Variants in SSBP2 observed in about 807,000 individuals in gnomAD.
The protein encoded by SSBP2 is single-stranded DNA-binding protein 2.
Under a neutral mutation model 61.8 loss-of-function variants are expected in SSBP2, and 17 were observed. The observed-to-expected ratio is 0.28, with a 90% CI of 0.19 to 0.41. SSBP2 has a LOEUF of 0.41. SSBP2 is among the 10% of genes least tolerant of loss of function. The probability of loss-of-function intolerance (pLI) is 1.00; values close to 1 mark genes in which losing one functional copy is unlikely to be tolerated. For missense variants in SSBP2, 310 were observed against 458.7 expected (o/e 0.68, Z 2.96); for synonymous variants, 139 against 141.3 (o/e 0.98, Z 0.12).
chr5:81,524,455 C>A (rs146456498), intron 4 of SSBP2, among the ~76,000 whole-genome samples: 1 of 152,102 alleles, frequency 6.6e-6, no homozygotes, highest in East Asian at 1.9e-4. Flanking sequence ...TTTTAAGCTG[C>A]TAAATTTGTG....
chr5:81,524,596 T>C (rs1489549902), intron 4 of SSBP2, among the ~76,000 whole-genome samples: 1 of 152,082 alleles, frequency 6.6e-6, no homozygotes, highest in Non-Finnish European at 1.5e-5. Flanking sequence ...AAAACGTTAC[T>C]GTACTTGGCC....
chr5:81,445,771 A>G (rs1763363343), intron 12 of SSBP2, among the ~76,000 whole-genome samples: 2 of 152,156 alleles, frequency 1.3e-5, no homozygotes, highest in Non-Finnish European at 2.9e-5. Flanking sequence ...TAACAGTAAA[A>G]CATCATAATC....
chr5:81,481,025 G>A (rs937375386), intron 6 of SSBP2, among the ~76,000 whole-genome samples: 9 of 152,134 alleles, frequency 5.9e-5, no homozygotes, highest in African/African-American at 2.2e-4. Context: ...TGAGAGTGTG[G>A]CAATTCAGTC....
intron 4 of SSBP2, among the ~76,000 whole-genome samples, chr5:81,608,614 C>G (rs1482965270): frequency 6.6e-6 from 1 of 152,094 alleles, no homozygotes; most frequent in African/African-American, 2.4e-5. Context: ...CTCCAGGTAC[C>G]AGATTTCTTA....
chr5:81,504,608 C>G lies in SSBP2; in HGVS notation c.372+9020G>C, dbSNP rs1351216914. On this transcript the variant is annotated intron_variant, in intron 5 of 16. Coordinates refer to ENST00000320672, the MANE Select transcript of SSBP2 (RefSeq NM_012446.5). ...ACTCAAATACATCTTTTTGATGAGC[C>G]CTTTTCTGGCCACCCTATCCAAAAC... Among the ~76,000 whole-genome samples, 11 of 152,238 alleles carry G rather than the reference C, an allele frequency of 7.2e-5. No individual in the cohort carries two copies. In the South Asian group the frequency reaches 2.3e-3, roughly 32 times the overall value.
chr5:81,638,447 C>T (rs1183464139), intron 2 of SSBP2, among the ~76,000 whole-genome samples: 2 of 151,748 alleles, frequency 1.3e-5, no homozygotes, highest in Non-Finnish European at 2.9e-5. Context: ...CGCTTGAACC[C>T]AGGAGGCAGA....
chr5:81,709,090 A>T (rs538362295), intron 1 of SSBP2, among the ~76,000 whole-genome samples: 1 of 152,152 alleles, frequency 6.6e-6, no homozygotes, highest in Non-Finnish European at 1.5e-5. Context: ...AGTCTTTATC[A>T]TCCTTTGTTT....
At chr5:81,468,555 T>A (rs1765043027) in intron 8 of SSBP2, among the ~76,000 whole-genome samples, 1 of 152,010 alleles carries the variant, frequency 6.6e-6, no homozygotes, top group Admixed American at 6.6e-5. Flanking sequence ...ATAATTTTCA[T>A]CTTTATTCCC....
At chr5:81,691,486 C>T (rs1225237809) in intron 1 of SSBP2, among the ~76,000 whole-genome samples, 3 of 151,666 alleles carry the variant, frequency 2.0e-5, no homozygotes, top group Non-Finnish European at 2.9e-5. Flanking sequence ...TAGATACACA[C>T]AAACTACCAA....
At position 81,417,393 on chromosome 5, in the gene SSBP2, A is replaced by T. The variant is rs763605655; in HGVS notation, c.*3111T>A. 61 of 152,358 alleles carry T rather than the reference A, an allele frequency of 4.0e-4. No homozygotes were observed. Among genetic ancestry groups the T allele is most frequent in the Non-Finnish European group, 6.8e-4 (46 of 68,040 alleles). The allele number at this position is 152,358 out of a possible 1,614,324, so 9.4% of individuals were successfully genotyped here. On this transcript the variant is annotated 3_prime_UTR_variant, in exon 17 of 17. Coordinates refer to ENST00000320672, the MANE Select transcript of SSBP2 (RefSeq NM_012446.5). ...GAAAGAATTTGACATGTATTTTCAAATGCAGTGAGTTAGGCAGAATGCAAA... is the reference window on the plus strand; with the variant it reads ...GAAAGAATTTGACATGTATTTTCAATTGCAGTGAGTTAGGCAGAATGCAAA...
intron 14 of SSBP2, among the ~76,000 whole-genome samples, chr5:81,439,404 A>T (rs1177534121): frequency 1.3e-5 from 2 of 152,158 alleles, no homozygotes; most frequent in Non-Finnish European, 2.9e-5. Flanking sequence ...CCATTTTGCA[A>T]CACTTGTCTG....
intron 1 of SSBP2, among the ~76,000 whole-genome samples, chr5:81,725,758 G>T (rs1200804524): frequency 6.6e-6 from 1 of 152,270 alleles, no homozygotes; most frequent in Middle Eastern, 3.4e-3. Flanking sequence ...AAAAGTCTCA[G>T]ATTTGCTTCA....
At chr5:81,649,198 C>T (rs773960595) in intron 2 of SSBP2, among the ~76,000 whole-genome samples, 8 of 152,008 alleles carry the variant, frequency 5.3e-5, no homozygotes, top group Non-Finnish European at 1.0e-4. Context: ...ATCAGTAAAA[C>T]GGAAAGAATA....
chr5:81,610,836 A>T (rs1020863443), intron 4 of SSBP2, among the ~76,000 whole-genome samples: 2 of 152,118 alleles, frequency 1.3e-5, no homozygotes, highest in African/African-American at 4.8e-5. Context: ...TCTACTACAA[A>T]TACAAAAATT....
chr5:81,458,707 T>C (rs990003867), intron 10 of SSBP2, among the ~76,000 whole-genome samples: 5 of 152,174 alleles, frequency 3.3e-5, no homozygotes. Flanking sequence ...TCTAAGAAAC[T>C]TGGAATTCAA....
At chr5:81,502,162 C>T (rs1767843827) in intron 5 of SSBP2, among the ~76,000 whole-genome samples, 2 of 152,082 alleles carry the variant, frequency 1.3e-5, no homozygotes, top group Non-Finnish European at 2.9e-5. Flanking sequence ...AGGCTTTCAC[C>T]CCCAGGACCA....
chr5:81,420,528 G>C lies in SSBP2; in HGVS notation c.1062C>G (p.Ser354=). The C allele has an allele frequency of 6.2e-7, 1 of 1,613,448 alleles. No homozygotes were observed. Among genetic ancestry groups the C allele is most frequent in the Non-Finnish European group, 8.5e-7 (1 of 1,179,510 alleles). ...ATCACACGCTCATTGTCATGCTAGG[G>C]GAGTACTAGAAGGAAAGAAGAATCC... The change falls in exon 17 of 17, where the codon TCC becomes TCG. Residue 354 remains serine (S), a synonymous_variant. Coordinates refer to ENST00000320672, the MANE Select transcript of SSBP2 (RefSeq NM_012446.5).
intron 1 of SSBP2, among the ~76,000 whole-genome samples, chr5:81,698,363 T>C (rs186589312): frequency 6.6e-6 from 1 of 152,224 alleles, no homozygotes; most frequent in African/African-American, 2.4e-5. Context: ...TTTTAATTTA[T>C]ACCAGTTGCA....
intron 3 of SSBP2, among the ~76,000 whole-genome samples, chr5:81,630,947 G>A (rs1747646112): frequency 6.6e-6 from 1 of 152,088 alleles, no homozygotes; most frequent in South Asian, 2.1e-4. Context: ...ACTGATCCAA[G>A]TCAGACTCCT....
Sources: gnomAD v4.1 joint callset for allele counts (sites outside exome capture counted in the v4.1 genomes callset) on GRCh38, gnomAD v4.1.1 for gene constraint, MANE v1.5 for transcripts, NCBI Gene and HGNC (gene_info 2026-07-23, HGNC 2026-07-21) for gene names.